Variants in ANO3 observed in about 807,000 individuals in gnomAD.
ANO3 encodes anoctamin-3.
ANO3 carries 99 observed loss-of-function variants against 144.8 expected under a neutral mutation model. That is an observed-to-expected ratio of 0.68 (90% CI 0.58 to 0.81). The LOEUF is 0.81. ANO3 is among the 30% of genes least tolerant of loss of function. ANO3 has a pLI of 0.00. For synonymous variants in ANO3, 414 were observed against 392.6 expected (o/e 1.05, Z -0.64); for missense variants, 905 against 1,202.2 (o/e 0.75, Z 3.66).
intron 1 of ANO3, among the ~76,000 whole-genome samples, chr11:26,332,641 T>C (rs1855085638): frequency 6.6e-6 from 1 of 151,994 alleles, no homozygotes; most frequent in Non-Finnish European, 1.5e-5. Flanking sequence ...AGTAGAGCTC[T>C]GAGGGGTGAG....
chr11:26,612,355 G>A (rs527540496), intron 17 of ANO3, among the ~76,000 whole-genome samples: 4 of 151,278 alleles, frequency 2.6e-5, no homozygotes, highest in Non-Finnish European at 5.9e-5. Context: ...TTATTTTAAC[G>A]TAACTTTGTT....
chr11:26,294,235 T>C (rs1398852502), intron 1 of ANO3, among the ~76,000 whole-genome samples: 2 of 152,202 alleles, frequency 1.3e-5, no homozygotes, highest in African/African-American at 2.4e-5. Context: ...ACTGTCATCA[T>C]ATTTTCGACA....
intron 1 of ANO3, among the ~76,000 whole-genome samples, chr11:26,322,459 C>T (rs911866225): frequency 2.0e-5 from 3 of 151,902 alleles, no homozygotes; most frequent in Admixed American, 6.6e-5. Context: ...TTGGTTAGTC[C>T]ATTACATGCA....
At chr11:26,379,146 A>C (rs1384617829) in intron 1 of ANO3, among the ~76,000 whole-genome samples, 1 of 152,180 alleles carries the variant, frequency 6.6e-6, no homozygotes, top group Non-Finnish European at 1.5e-5. Flanking sequence ...ATGGGGAAAG[A>C]ACTGCTACGA....
intron 1 of ANO3, among the ~76,000 whole-genome samples, chr11:26,300,557 C>T (rs1564955565): frequency 1.3e-5 from 2 of 152,096 alleles, no homozygotes; most frequent in African/African-American, 4.8e-5. Flanking sequence ...TTTCATTCTC[C>T]TCATTATAGA....
At chr11:26,330,768 C>A (rs548039167), upstream of ANO3, among the ~76,000 whole-genome samples, 6 of 152,238 alleles carry the variant, frequency 3.9e-5, 1 homozygote, top group South Asian at 1.0e-3. Context: ...AGCTATATTC[C>A]CCTCATTCTT....
chr11:26,218,550 C>T (rs764174538), intron 1 of ANO3, among the ~76,000 whole-genome samples: 3 of 152,010 alleles, frequency 2.0e-5, no homozygotes, highest in African/African-American at 7.2e-5. Flanking sequence ...ATGTCCCAAG[C>T]GACTGCCTCA....
At chr11:26,295,494 C>A (rs1402335481) in intron 1 of ANO3, among the ~76,000 whole-genome samples, 1 of 119,868 alleles carries the variant, frequency 8.3e-6, no homozygotes, top group African/African-American at 3.3e-5. Flanking sequence ...CCAGCCTGGG[C>A]GATAGAGTGA....
At chr11:26,250,241 T>G (rs1852896178) in intron 1 of ANO3, among the ~76,000 whole-genome samples, 1 of 152,242 alleles carries the variant, frequency 6.6e-6, no homozygotes, top group South Asian at 2.1e-4. Flanking sequence ...TTTTCTTTCT[T>G]CTGTGGCAGC....
Position 26,410,739 on chromosome 11 carries a change from G to A in ANO3, c.47-31179G>A, listed in dbSNP as rs554391415. ...TTAAGAAGGCAGATTTCTGCTCTAC[G>A]AAAAGAAGGTTAACAGCTGGAACTG... On this transcript the variant is annotated intron_variant, in intron 1 of 26. Coordinates refer to ENST00000256737, the MANE Select transcript of ANO3 (RefSeq NM_031418.4). 5.9e-5 allele frequency among the ~76,000 whole-genome samples: 9 copies of A among 152,072 alleles called. No homozygotes were observed. The East Asian group carries it at 1.4e-3, about 23-fold the overall frequency.
At chr11:26,313,871 T>TAATATAATATAATATAATATAA (rs538408484) in intron 1 of ANO3, among the ~76,000 whole-genome samples, 13 of 147,520 alleles carry the variant, frequency 8.8e-5, no homozygotes, top group African/African-American at 3.2e-4. Context: ...AAATTAAATA[T>TAATATAATATAATATAATATAA]TATAATATAA....
chr11:26,250,568 T>C (rs995746371), intron 1 of ANO3, among the ~76,000 whole-genome samples: 2 of 152,200 alleles, frequency 1.3e-5, no homozygotes, highest in Admixed American at 6.5e-5. Flanking sequence ...CTGCCCTGCT[T>C]CTATGTTGAA....
upstream of ANO3, among the ~76,000 whole-genome samples, chr11:26,306,814 T>C (rs932618206): frequency 6.6e-6 from 1 of 152,246 alleles, no homozygotes; most frequent in African/African-American, 2.4e-5. Context: ...CTCCTAAGTA[T>C]GAAATATTAT....
At chr11:26,344,166 T>C (rs1477991237) in intron 1 of ANO3, among the ~76,000 whole-genome samples, 5 of 152,184 alleles carry the variant, frequency 3.3e-5, no homozygotes, top group Non-Finnish European at 5.9e-5. Flanking sequence ...AGCAATATTA[T>C]TCATGGAGTG....
rs185108103 is a variant in ANO3 at position 26,599,351 on chromosome 11, A to G, written c.1672-199A>G. On this transcript the variant is annotated intron_variant, in intron 16 of 26. Transcript: ENST00000256737. ...ATGTTAGTGTGATAACTTTGTTATC[A>G]TACTAAAACAACAAATTTTGTCCTA... Among the ~76,000 whole-genome samples the G allele has an allele frequency of 0.013, 1,974 of 152,344 alleles. 45 individuals are homozygous for G. The highest frequency in any genetic ancestry group is 0.045 in the African/African-American group (1,863 of 41,578).
intron 1 of ANO3, among the ~76,000 whole-genome samples, chr11:26,251,643 T>C (rs1015639887): frequency 6.6e-5 from 10 of 152,160 alleles, no homozygotes; most frequent in African/African-American, 2.4e-4. Flanking sequence ...TACCCAAGAC[T>C]GGGTAATTTA....
intron 12 of ANO3, among the ~76,000 whole-genome samples, chr11:26,551,653 A>G (rs971059728): frequency 3.3e-5 from 5 of 152,052 alleles, no homozygotes; most frequent in Non-Finnish European, 1.5e-5. Flanking sequence ...CCTTTTTAGT[A>G]TAAGATTCTA....
chr11:26,198,959 C>T (rs1462508191), intron 1 of ANO3, among the ~76,000 whole-genome samples: 1 of 152,138 alleles, frequency 6.6e-6, no homozygotes, highest in African/African-American at 2.4e-5. Context: ...GCAAGATCTA[C>T]CTGGCTCATA....
intron 14 of ANO3, among the ~76,000 whole-genome samples, chr11:26,564,016 G>T (rs751558868): frequency 6.6e-5 from 10 of 151,688 alleles, no homozygotes; most frequent in Non-Finnish European, 1.3e-4. Context: ...AAAGGGTCTT[G>T]CAGGGTCTCT....
Sources: allele counts gnomAD v4.1 joint callset (sites outside exome capture counted in the v4.1 genomes callset), GRCh38; gene constraint gnomAD v4.1.1; transcripts MANE v1.5; gene names NCBI Gene and HGNC (gene_info 2026-07-23, HGNC 2026-07-21).